The following A4GNT variants were observed in gnomAD, a reference collection of about 807,000 sequenced individuals.
A4GNT encodes the protein alpha-1,4-N-acetylglucosaminyltransferase.
Under a neutral mutation model 8.3 loss-of-function variants are expected in A4GNT, and 6 were observed. The ratio of observed to expected loss-of-function variants is 0.72; its 90% CI spans 0.39 to 1.42. The LOEUF (loss-of-function observed/expected upper bound fraction) is 1.42, where lower values mean the gene tolerates loss of function less well. Ranked by LOEUF, A4GNT falls within the 40% of genes most tolerant of loss-of-function variation. The probability of loss-of-function intolerance (pLI) is 0.02; values close to 1 mark genes in which losing one functional copy is unlikely to be tolerated. For missense variants in A4GNT, 377 were observed against 417.0 expected, an observed-to-expected ratio of 0.90 and a Z score of 0.84; for synonymous variants, 157 against 159.8, an observed-to-expected ratio of 0.98 and a Z score of 0.13.
chr3:138,124,478 C>A lies in A4GNT; in HGVS notation c.809G>T (p.Arg270Leu), dbSNP rs570351376. ...CTCTGTATCCCACACTTCATAGTAG[C>A]GCCTCCACTCTCGATAGGAGATGGG... ...FYPISYREWR[R>L]YYEVWDTEPS... The change falls in exon 3 of 3, where the codon CGC (arginine) becomes CTC (leucine). Residue 270 changes from arginine to leucine, a missense_variant. Coordinates refer to ENST00000236709, the MANE Select transcript of A4GNT (RefSeq NM_016161.3). The A allele has an allele frequency of 1.2e-6, 2 of 1,614,198 alleles. No individual in the cohort carries two copies. The highest frequency in any genetic ancestry group is 1.7e-5 in the Admixed American group (1 of 60,024).
intron 2 of A4GNT, among the ~76,000 whole-genome samples, chr3:138,129,175 AGGCTAAATAAT>A (rs896953082): frequency 2.6e-4 from 39 of 152,246 alleles, no homozygotes; most frequent in African/African-American, 9.4e-4. Context: ...GTCAGGGAGT[AGGCTAAATAAT>A]GGCTACCCAA....
intron 2 of A4GNT, among the ~76,000 whole-genome samples, chr3:138,127,731 G>C (rs563707262): frequency 6.6e-5 from 10 of 152,294 alleles, no homozygotes; most frequent in African/African-American, 2.4e-4. Flanking sequence ...GCCCAGATCA[G>C]TGCAGAAAAC....
chr3:138,127,623 G>A (rs1465419413), intron 2 of A4GNT, among the ~76,000 whole-genome samples: 1 of 151,610 alleles, frequency 6.6e-6, no homozygotes, highest in Admixed American at 6.6e-5. Flanking sequence ...GATGACCAGC[G>A]GAAAGAGGTT....
rs143010378 is a variant in A4GNT, at chr3:138,124,741, C to T, written c.546G>A (p.Leu182=). ...SIRPIPEENF[L]AAQASRYSSN... ...TAGAGTACCGAGAAGCCTGCGCAGC[C>T]AAAAAGTTCTCCTCAGGGATGGGCC... Residue 182 remains leucine, a synonymous_variant, in exon 3 of 3, where the codon TTG becomes TTA. Transcript: ENST00000236709. The T allele has an allele frequency of 3.1e-6, 5 of 1,614,032 alleles. No individual in the cohort carries two copies. The African/African-American group carries it at 6.7e-5, about 22-fold the overall frequency.
chr3:138,125,492 CAG>C (rs1296925738), intron 2 of A4GNT, among the ~76,000 whole-genome samples: 1 of 152,054 alleles, frequency 6.6e-6, no homozygotes, highest in African/African-American at 2.4e-5. Context: ...TGGGAGGAGA[CAG>C]ATAATAAATA....
At position 138,124,521 on chromosome 3, in the gene A4GNT, G is replaced by A. The variant is rs142287900; in HGVS notation, c.766C>T (p.His256Tyr). 1.9e-4 allele frequency: 300 copies of A among 1,614,254 alleles called. 1 individual carries two copies. The African/African-American group carries it at 3.5e-3, about 19-fold the overall frequency. The change falls in exon 3 of 3, where the codon CAC becomes TAC. Residue 256 changes from histidine (H) to tyrosine (Y), a missense_variant. Transcript: ENST00000236709. The part of the protein sequence containing the change: ...DLRCLNISFL[H>Y]PQRFYPISYR... The stretch of plus-strand genomic sequence containing the variant: ...GAGATGGGGTAAAATCTTTGGGGGT[G>A]TAAGAAGGATATGTTCAGACACCTG...
intron 2 of A4GNT, among the ~76,000 whole-genome samples, chr3:138,125,768 C>G (rs1171680771): frequency 1.3e-5 from 2 of 152,148 alleles, no homozygotes; most frequent in Non-Finnish European, 2.9e-5. Context: ...CATATAGTTC[C>G]ACAAATGCAG....
chr3:138,128,794 C>A (rs924628754), intron 2 of A4GNT, among the ~76,000 whole-genome samples: 28 of 152,102 alleles, frequency 1.8e-4, no homozygotes, highest in African/African-American at 5.8e-4. Context: ...GCCTCCCTAC[C>A]CCTCTGCCCG....
At position 138,124,321 on chromosome 3, in the gene A4GNT, G is replaced by T. The variant is rs1407900164; in HGVS notation, c.966C>A (p.Asp322Glu). 7 of 1,614,036 alleles carry T rather than the reference G, an allele frequency of 4.3e-6. No homozygotes were observed. Among genetic ancestry groups the T allele is most frequent in the Non-Finnish European group, 5.1e-6 (6 of 1,180,042 alleles). The change falls in exon 3 of 3, where the codon GAC becomes GAA. Residue 322 changes from aspartate to glutamate, a missense_variant. By Grantham distance (45) the Asp-to-Glu change is conservative. Transcript: ENST00000236709. ...CTGACCCCTCTGGGCCTTTAATCAG[G>T]TCCCTGTAAGTCCTGGGACAGTGCT... ...YRKHCPRTYR[D>E]LIKGPEGSVT...
Position 138,124,741 on chromosome 3 carries a change from CA to C in A4GNT, c.545del (p.Leu182TrpfsTer46). 3 of 1,614,150 alleles carry C rather than the reference CA, an allele frequency of 1.9e-6. No homozygotes were observed. Among genetic ancestry groups the C allele is most frequent in the Non-Finnish European group, 2.5e-6 (3 of 1,180,022 alleles). ...SIRPIPEENF[L>X]AAQASRYSSN... is the part of the protein sequence containing the mutation. ...TAGAGTACCGAGAAGCCTGCGCAGC[CA>C]AAAAGTTCTCCTCAGGGATGGGCCT... On this transcript the variant is annotated frameshift_variant, in exon 3 of 3. Coordinates refer to ENST00000236709, the MANE Select transcript of A4GNT (RefSeq NM_016161.3). LOFTEE classifies it low-confidence loss of function (END_TRUNC).
chr3:138,131,135 C>G lies in A4GNT; in HGVS notation c.122G>C (p.Gly41Ala), dbSNP rs754562988. 1 of 1,613,452 alleles carries G rather than the reference C, an allele frequency of 6.2e-7. No individual in the cohort carries two copies. The highest frequency in any genetic ancestry group is 1.7e-5 in the Admixed American group (1 of 59,970). Residue 41 changes from glycine to alanine, a missense_variant, in exon 2 of 3, where the codon GGG becomes GCG. Transcript: ENST00000236709. ...TCTGTGGCTCAGGAGGGCTTCCAGC[C>G]CCTGGTGGGACTTGAAAGAAGGCAA... ...FCLPSFKSHQ[G>A]LEALLSHRRG...
intron 1 of A4GNT, among the ~76,000 whole-genome samples, chr3:138,131,865 A>T (rs2042780715): frequency 6.6e-6 from 1 of 152,194 alleles, no homozygotes; most frequent in African/African-American, 2.4e-5. Flanking sequence ...AGCAATTATC[A>T]TACTTAATAT....
intron 2 of A4GNT, among the ~76,000 whole-genome samples, chr3:138,128,163 C>G (rs1220827627): frequency 6.6e-6 from 1 of 152,132 alleles, no homozygotes; most frequent in African/African-American, 2.4e-5. Flanking sequence ...TGTGATTCAT[C>G]TGTAAGAAAA....
chr3:138,132,787 A>C (rs908316769), upstream of A4GNT, among the ~76,000 whole-genome samples: 4 of 152,206 alleles, frequency 2.6e-5, no homozygotes, highest in Non-Finnish European at 5.9e-5. Context: ...AAGGAAAGAG[A>C]GCCCATCACC....
chr3:138,131,217 G>A lies in A4GNT; in HGVS notation c.40C>T (p.Leu14=). The A allele has an allele frequency of 1.9e-6, 3 of 1,603,162 alleles. No homozygotes were observed. Among genetic ancestry groups the A allele is most frequent in the Non-Finnish European group, 2.6e-6 (3 of 1,170,996 alleles). The change falls in exon 2 of 3, where the codon CTG becomes TTG. Residue 14 remains leucine (L), a synonymous_variant. Coordinates refer to ENST00000236709, the MANE Select transcript of A4GNT (RefSeq NM_016161.3). ...ELQLSLSVTL[L]LVCGFLYQFT... ...TGGTAGAGGAAGCCACAGACAAGCA[G>A]CAAGGTGACTGACAGGGAGAGCTGG... is the stretch of plus-strand genomic sequence containing the variant.
chr3:138,124,803 C>A lies in A4GNT; in HGVS notation c.484G>T (p.Gly162Cys). 1 of 1,614,058 alleles carries A rather than the reference C, an allele frequency of 6.2e-7. No individual in the cohort carries two copies. The highest frequency in any genetic ancestry group is 8.5e-7 in the Non-Finnish European group (1 of 1,180,018). ...ASRLAIIWKY[G>C]GIYMDTDVIS... Reference sequence around the variant, plus strand: ...ACATCGGTGTCCATGTAGATGCCACCGTATTTCCAGATGATGGCCAGGCGG... The same window carrying A: ...ACATCGGTGTCCATGTAGATGCCACAGTATTTCCAGATGATGGCCAGGCGG... Residue 162 changes from glycine (G) to cysteine (C), a missense_variant, in exon 3 of 3, where the codon GGT (glycine) becomes TGT (cysteine). Gly to Cys is a radical substitution (Grantham distance 159). Coordinates refer to ENST00000236709, the MANE Select transcript of A4GNT (RefSeq NM_016161.3).
chr3:138,132,794 C>T (rs905372327), upstream of A4GNT, among the ~76,000 whole-genome samples: 1 of 152,174 alleles, frequency 6.6e-6, no homozygotes, highest in Admixed American at 6.5e-5. Context: ...GAGAGCCCAT[C>T]ACCACAAATA....
chr3:138,124,089 A>T lies in A4GNT; in HGVS notation c.*175T>A. ...CAAATGGACCATGGGTGTATGTTTT[A>T]TAGCCAGTATCATTTGGGATTTTTC... On this transcript the variant is annotated 3_prime_UTR_variant, in exon 3 of 3. Transcript: ENST00000236709. 1 of 819,236 alleles carries T rather than the reference A, an allele frequency of 1.2e-6. No individual in the cohort carries two copies. Among genetic ancestry groups the T allele is most frequent in the Non-Finnish European group, 1.8e-6 (1 of 541,862 alleles). The allele number at this position is 819,236 out of a possible 1,614,324, so 50.7% of individuals were successfully genotyped here. A position where few individuals can be genotyped will look rare whatever the true frequency, so the allele number is the denominator to read the frequency against.
At chr3:138,127,715 A>G (rs1014520353) in intron 2 of A4GNT, among the ~76,000 whole-genome samples, 3 of 152,200 alleles carry the variant, frequency 2.0e-5, no homozygotes, top group African/African-American at 7.2e-5. Context: ...ATCAAGGGCT[A>G]CAATAGCCCA....
Sources: gnomAD v4.1 joint callset for allele counts (sites outside exome capture counted in the v4.1 genomes callset) on GRCh38, gnomAD v4.1.1 for gene constraint, MANE v1.5 for transcripts, NCBI Gene and HGNC (gene_info 2026-07-23, HGNC 2026-07-21) for gene names.